Variants in MGST1 observed in about 807,000 individuals in gnomAD.
MGST1 encodes glutathione S-transferase 12.
In MGST1, 5 loss-of-function variants were observed where a neutral mutation model predicts 8.9. The ratio of observed to expected loss-of-function variants is 0.56; its 90% CI spans 0.29 to 1.19. The LOEUF (loss-of-function observed/expected upper bound fraction) is 1.19. MGST1 is among the 50% of genes most tolerant of loss of function. The pLI, the probability that MGST1 is intolerant of heterozygous loss-of-function variation, is 0.08. For missense variants in MGST1, 182 were observed against 187.4 expected, an observed-to-expected ratio of 0.97 and a Z score of 0.17; for synonymous variants, 54 against 67.8, an observed-to-expected ratio of 0.80 and a Z score of 1.00.
exon 1 of MGST1, chr12:16,383,462 TTTTTC>T (rs1447757896): frequency 6.6e-6 from 1 of 151,948 alleles, no homozygotes; most frequent in Non-Finnish European, 1.5e-5. Flanking sequence ...TTTCTTTTCT[TTTTTC>T]TTTTTATTTT....
chr12:16,585,608 C>T lies in MGST1; in HGVS notation n.483-3920C>T, dbSNP rs1425835074. ...TCTCTCATGCATCAGGCCCTATGTT[C>T]CCACCTGTATTTTCTTTCCGTTGAA... is the stretch of plus-strand genomic sequence containing the variant. On this transcript the variant is annotated intron_variant and non_coding_transcript_variant, in intron 4 of 4. Transcript: ENST00000538857. The surrounding 1 kb of genome is among the most constrained non-coding windows in gnomAD (Gnocchi z 4.7). 6.6e-6 allele frequency among the ~76,000 whole-genome samples: 1 copy of T among 152,140 alleles called. No homozygotes were observed. The highest frequency in any genetic ancestry group is 2.4e-5 in the African/African-American group (1 of 41,414).
rs1939974395 is a variant in MGST1, at chr12:16,361,097, G to A, written c.222-2698G>A. Among the ~76,000 whole-genome samples, 1 of 151,454 alleles carries A rather than the reference G, an allele frequency of 6.6e-6. No individual in the cohort carries two copies. Among genetic ancestry groups the A allele is most frequent in the Non-Finnish European group, 1.5e-5 (1 of 67,960 alleles). On this transcript the variant is annotated intron_variant, in intron 3 of 3. Transcript: ENST00000396210. The surrounding 1 kb of genome is among the most constrained non-coding windows in gnomAD (Gnocchi z 4.2). ...TAAAGGAAGACCTTGAAGAGTATTA[G>A]GATTTGAAAGGAGAAAGAGGAGAGA... is the stretch of plus-strand genomic sequence containing the variant.
chr12:16,398,208 A>G (rs1405750399), intron 1 of MGST1, among the ~76,000 whole-genome samples: 1 of 152,096 alleles, frequency 6.6e-6, no homozygotes, highest in Non-Finnish European at 1.5e-5. Context: ...ACCCCTCCCC[A>G]CTTCTCTTAA....
intron 4 of MGST1, chr12:16,514,037 T>C: frequency 2.4e-6 from 1 of 409,886 alleles, no homozygotes; most frequent in Non-Finnish European, 4.8e-6. Context: ...CCCACAGGAG[T>C]GGACCCTGGT....
downstream of MGST1, among the ~76,000 whole-genome samples, chr12:16,589,939 AT>A (rs1189929051): frequency 6.6e-6 from 1 of 151,954 alleles, no homozygotes; most frequent in Non-Finnish European, 1.5e-5. The surrounding 1 kb of genome is among the most constrained non-coding windows in gnomAD (Gnocchi z 4.2). Context: ...TATGTGTTGG[AT>A]TTTTTTGTGC....
intron 4 of MGST1, among the ~76,000 whole-genome samples, chr12:16,578,131 C>A (rs1047208896): frequency 6.6e-6 from 1 of 152,122 alleles, no homozygotes; most frequent in South Asian, 2.1e-4. Flanking sequence ...TGCCAGGCAA[C>A]AGAGACTGAG....
chr12:16,461,233 G>T (rs1941217870), intron 4 of MGST1, among the ~76,000 whole-genome samples: 1 of 150,466 alleles, frequency 6.6e-6, no homozygotes, highest in South Asian at 2.1e-4. Flanking sequence ...AACTCAGGCT[G>T]CCTAGGTTAC....
intron 1 of MGST1, among the ~76,000 whole-genome samples, chr12:16,348,347 T>G (rs1165547608): frequency 6.6e-6 from 1 of 152,190 alleles, no homozygotes; most frequent in Non-Finnish European, 1.5e-5. Flanking sequence ...CTTGGGACGG[T>G]TCTCACCTGT....
chr12:16,539,830 A>G (rs1326713871), intron 4 of MGST1, among the ~76,000 whole-genome samples: 1 of 152,204 alleles, frequency 6.6e-6, no homozygotes, highest in Non-Finnish European at 1.5e-5. Flanking sequence ...ACACACATAC[A>G]TATATTTTTA....
At chr12:16,526,274 C>T (rs1431070468) in intron 4 of MGST1, among the ~76,000 whole-genome samples, 1 of 151,852 alleles carries the variant, frequency 6.6e-6, no homozygotes, top group Non-Finnish European at 1.5e-5. Flanking sequence ...TTTTAGGAAC[C>T]CATTTTTTAA....
At chr12:16,487,905 A>G (rs1037839776) in intron 4 of MGST1, among the ~76,000 whole-genome samples, 5 of 152,174 alleles carry the variant, frequency 3.3e-5, no homozygotes, top group Non-Finnish European at 7.4e-5. Flanking sequence ...TTACAAAAGG[A>G]ATGATAAAAG....
intron 4 of MGST1, among the ~76,000 whole-genome samples, chr12:16,449,541 G>A (rs1941112414): frequency 6.6e-6 from 1 of 151,888 alleles, no homozygotes; most frequent in Non-Finnish European, 1.5e-5. Flanking sequence ...TTAGTGAAAG[G>A]TGTACAATTG....
chr12:16,374,997 C>T (rs1044179881), intron 3 of MGST1, among the ~76,000 whole-genome samples: 1 of 152,160 alleles, frequency 6.6e-6, no homozygotes, highest in Non-Finnish European at 1.5e-5. Flanking sequence ...CCTCCCTCTG[C>T]CGCCTCTTGA....
intron 3 of MGST1, among the ~76,000 whole-genome samples, chr12:16,375,964 A>G (rs2137031564): frequency 6.6e-6 from 1 of 152,178 alleles, no homozygotes; most frequent in East Asian, 1.9e-4. Context: ...AGATGTTTAA[A>G]TCTATGAGCT....
intron 1 of MGST1, among the ~76,000 whole-genome samples, chr12:16,417,317 C>T (rs528880479): frequency 6.6e-6 from 1 of 152,274 alleles, no homozygotes; most frequent in East Asian, 1.9e-4. Flanking sequence ...AGAACTCACT[C>T]ATTATCATGA....
intron 4 of MGST1, among the ~76,000 whole-genome samples, chr12:16,526,587 T>C (rs1388193869): frequency 6.6e-6 from 1 of 152,030 alleles, no homozygotes; most frequent in Non-Finnish European, 1.5e-5. Context: ...ATATTTTTGT[T>C]TAGAAGGTAC....
intron 1 of MGST1, among the ~76,000 whole-genome samples, chr12:16,393,039 C>T (rs962353268): frequency 6.6e-6 from 1 of 152,138 alleles, no homozygotes; most frequent in Non-Finnish European, 1.5e-5. Flanking sequence ...TGTCACCCAT[C>T]ATGAGTTGAA....
intron 1 of MGST1, among the ~76,000 whole-genome samples, chr12:16,424,875 A>G (rs531831670): frequency 1.3e-5 from 2 of 152,316 alleles, no homozygotes; most frequent in Admixed American, 6.5e-5. Flanking sequence ...TCAAGTCTGT[A>G]TGAATGTGAG....
chr12:16,531,275 G>A (rs766941954), intron 4 of MGST1, among the ~76,000 whole-genome samples: 1 of 149,972 alleles, frequency 6.7e-6, no homozygotes, highest in Non-Finnish European at 1.5e-5. Context: ...GAAAAAAAGA[G>A]ACACAGGCTA....
Sources: allele counts gnomAD v4.1 joint callset (sites outside exome capture counted in the v4.1 genomes callset), GRCh38; gene constraint gnomAD v4.1.1; non-coding constraint Gnocchi (gnomAD v3.1); transcripts MANE v1.5; gene names NCBI Gene and HGNC (gene_info 2026-07-23, HGNC 2026-07-21).